Variants in ZFAND3 observed in about 807,000 individuals in gnomAD.
ZFAND3 encodes AN1-type zinc finger protein 3.
A neutral mutation model predicts 29.6 loss-of-function variants in ZFAND3; 10 were observed. The observed-to-expected ratio is 0.34, with a 90% CI of 0.21 to 0.57. ZFAND3 has a LOEUF of 0.57. Among genes scored for constraint, ZFAND3 ranks in the 20% least tolerant of loss-of-function variants. The probability of loss-of-function intolerance (pLI) is 0.86; values close to 1 mark genes in which losing one functional copy is unlikely to be tolerated. For synonymous variants in ZFAND3, 128 were observed against 112.6 expected (o/e 1.14, Z -0.87); for missense variants, 230 against 304.5 (o/e 0.76, Z 1.82).
intron 1 of ZFAND3, among the ~76,000 whole-genome samples, chr6:37,841,736 G>A (rs1764080228): frequency 6.6e-6 from 1 of 152,120 alleles, no homozygotes; most frequent in Non-Finnish European, 1.5e-5. Context: ...ACCAGCCTCG[G>A]CCCCCCAAAG....
intron 1 of ZFAND3, among the ~76,000 whole-genome samples, chr6:37,860,292 T>C (rs1285604167): frequency 2.0e-5 from 3 of 151,702 alleles, no homozygotes; most frequent in African/African-American, 7.3e-5. Context: ...TAAAATATTA[T>C]GGTTTTAAAA....
chr6:37,908,542 T>G (rs202243196), intron 1 of ZFAND3, among the ~76,000 whole-genome samples: 1 of 124,130 alleles, frequency 8.1e-6, no homozygotes, highest in Non-Finnish European at 1.7e-5. Flanking sequence ...AAAAAAAAAT[T>G]AAAAAAAAAA....
intron 2 of ZFAND3, among the ~76,000 whole-genome samples, chr6:37,967,387 A>G (rs1762312169): frequency 6.6e-6 from 1 of 152,156 alleles, no homozygotes; most frequent in South Asian, 2.1e-4. Flanking sequence ...CAAAAAAGAT[A>G]TTCTAAGCTC....
intron 1 of ZFAND3, among the ~76,000 whole-genome samples, chr6:37,912,694 AT>A (rs1765544262): frequency 6.6e-6 from 1 of 152,214 alleles, no homozygotes; most frequent in Non-Finnish European, 1.5e-5. Flanking sequence ...TGTACTTAGT[AT>A]TTCACAGTGT....
intron 2 of ZFAND3, among the ~76,000 whole-genome samples, chr6:37,970,390 C>A (rs1475708681): frequency 6.6e-6 from 1 of 152,234 alleles, no homozygotes; most frequent in East Asian, 1.9e-4. Flanking sequence ...AAAGATTTTG[C>A]ATGTCAAGAT....
At chr6:38,013,709 A>G (rs1763201149) in intron 2 of ZFAND3, among the ~76,000 whole-genome samples, 1 of 151,738 alleles carries the variant, frequency 6.6e-6, no homozygotes, top group South Asian at 2.1e-4. Flanking sequence ...TTAGCCACAC[A>G]TTTAAAAACT....
chr6:37,954,942 C>T (rs1023845744), intron 2 of ZFAND3, among the ~76,000 whole-genome samples: 1 of 152,216 alleles, frequency 6.6e-6, no homozygotes, highest in African/African-American at 2.4e-5. Flanking sequence ...TGTGTGAGCA[C>T]CAGGTATAGT....
chr6:38,131,185 T>C (rs1210116184), intron 5 of ZFAND3, among the ~76,000 whole-genome samples: 1 of 152,242 alleles, frequency 6.6e-6, no homozygotes, highest in Non-Finnish European at 1.5e-5. Flanking sequence ...TTAGCTTATT[T>C]GGATTTTCTC....
intron 2 of ZFAND3, among the ~76,000 whole-genome samples, chr6:37,990,397 T>C (rs531042362): frequency 1.1e-4 from 16 of 152,302 alleles, no homozygotes; most frequent in African/African-American, 3.8e-4. Context: ...ATGTACTTCC[T>C]AGAGCCACTG....
intron 5 of ZFAND3, among the ~76,000 whole-genome samples, chr6:38,138,713 A>G (rs1765890926): frequency 6.6e-6 from 1 of 152,244 alleles, no homozygotes; most frequent in Non-Finnish European, 1.5e-5. Flanking sequence ...GGAATCAAGA[A>G]TTGAGCCCAC....
intron 1 of ZFAND3, among the ~76,000 whole-genome samples, chr6:37,850,184 A>T (rs188071256): frequency 6.6e-6 from 1 of 152,316 alleles, no homozygotes; most frequent in Admixed American, 6.5e-5. Flanking sequence ...AGATGACTGA[A>T]ACATAACCAG....
intron 1 of ZFAND3, among the ~76,000 whole-genome samples, chr6:37,856,415 G>A (rs765488451): frequency 4.2e-4 from 64 of 152,260 alleles, no homozygotes; most frequent in Non-Finnish European, 3.4e-4. Flanking sequence ...CTTTCTAGCA[G>A]TGCTAGTTAC....
chr6:38,114,549 TAAATG>T (rs1371632766), intron 4 of ZFAND3, among the ~76,000 whole-genome samples: 2 of 152,214 alleles, frequency 1.3e-5, no homozygotes, highest in Non-Finnish European at 2.9e-5. Flanking sequence ...CTGGAAGAAT[TAAATG>T]AGATGAAAAA....
rs1764240768 is a variant in ZFAND3 at position 38,061,606 on chromosome 6, A to G, written c.126A>G (p.Lys42=). 1 of 1,614,176 alleles carries G rather than the reference A, an allele frequency of 6.2e-7. No homozygotes were observed. The highest frequency in any genetic ancestry group is 1.1e-5 in the South Asian group (1 of 91,084). ...ATTTTTCTTCAGATTTTCAAAAGAA[A>G]CAGCCAGACGATGATTCCGCTCCAA... ...CSKCFADFQK[K]QPDDDSAPST... The change falls in exon 3 of 6, where the codon AAA becomes AAG. Residue 42 remains lysine, a synonymous_variant. Coordinates refer to ENST00000287218, the MANE Select transcript of ZFAND3 (RefSeq NM_021943.3).
chr6:37,866,721 C>CA (rs1764597044), intron 1 of ZFAND3, among the ~76,000 whole-genome samples: 1 of 151,896 alleles, frequency 6.6e-6, no homozygotes, highest in Non-Finnish European at 1.5e-5. Context: ...AGTGTATTAT[C>CA]CAGTGACCTT....
At chr6:38,016,344 A>G (rs890215423) in intron 2 of ZFAND3, among the ~76,000 whole-genome samples, 13 of 152,200 alleles carry the variant, frequency 8.5e-5, no homozygotes, top group African/African-American at 3.1e-4. Context: ...GTTTCAAAGA[A>G]CCATACTTCA....
chr6:37,914,672 C>CTTTTTTTTTTTTTTTTTTTTTTTTTTTTT (rs71542148), intron 1 of ZFAND3, among the ~76,000 whole-genome samples: 5 of 114,208 alleles, frequency 4.4e-5, no homozygotes, highest in African/African-American at 1.4e-4. Context: ...CTTTTTTTTT[C>CTTTTTTTTTTTTTTTTTTTTTTTTTTTTT]TTTTTTTTTT....
chr6:37,945,592 C>G (rs1761887354), intron 2 of ZFAND3, among the ~76,000 whole-genome samples: 1 of 152,138 alleles, frequency 6.6e-6, no homozygotes, highest in South Asian at 2.1e-4. Flanking sequence ...CTAGTCTAGT[C>G]TCGAACTCCT....
At chr6:37,877,949 C>G (rs1764823810) in intron 1 of ZFAND3, among the ~76,000 whole-genome samples, 1 of 152,178 alleles carries the variant, frequency 6.6e-6, no homozygotes, top group Non-Finnish European at 1.5e-5. Context: ...ATCAATCTGG[C>G]TGCTTTCGTG....
Sources: gnomAD v4.1 joint callset for allele counts (sites outside exome capture counted in the v4.1 genomes callset) on GRCh38, gnomAD v4.1.1 for gene constraint, MANE v1.5 for transcripts, NCBI Gene and HGNC (gene_info 2026-07-23, HGNC 2026-07-21) for gene names.